The following KCNIP4 variants were observed in gnomAD, a reference collection of about 807,000 sequenced individuals.
KCNIP4 encodes Kv channel-interacting protein 4.
In KCNIP4, 12 loss-of-function variants were observed where a neutral mutation model predicts 34.0. That is an observed-to-expected ratio of 0.35 (90% CI 0.23 to 0.57). The LOEUF (loss-of-function observed/expected upper bound fraction) is 0.57. KCNIP4 is among the 20% of genes least tolerant of loss of function. KCNIP4 has a pLI of 0.83. For missense variants in KCNIP4, 238 were observed against 311.7 expected (o/e 0.76, Z 1.78); for synonymous variants, 124 against 102.2 (o/e 1.21, Z -1.29).
chr4:21,402,612 A>T (rs1035618407), intron 1 of KCNIP4, among the ~76,000 whole-genome samples: 1 of 152,172 alleles, frequency 6.6e-6, no homozygotes, highest in African/African-American at 2.4e-5. Context: ...TGTATTCTAA[A>T]GTTTTCAGCT....
chr4:21,925,231 C>A (rs1179337448), intron 1 of KCNIP4, among the ~76,000 whole-genome samples: 1 of 137,754 alleles, frequency 7.3e-6, no homozygotes, highest in Non-Finnish European at 1.5e-5. Flanking sequence ...TATCCCTTCC[C>A]CCTCCCCCCA....
At chr4:20,818,093 A>G (rs1716635950) in intron 3 of KCNIP4, among the ~76,000 whole-genome samples, 1 of 152,312 alleles carries the variant, frequency 6.6e-6, no homozygotes, top group African/African-American at 2.4e-5. Flanking sequence ...TCCACTGTTC[A>G]AGATATATGA....
chr4:20,753,460 G>T (rs1389309155), intron 4 of KCNIP4, among the ~76,000 whole-genome samples: 1 of 152,058 alleles, frequency 6.6e-6, no homozygotes, highest in East Asian at 1.9e-4. Flanking sequence ...ATTATATCGA[G>T]AACACAGTGA....
At position 21,681,726 on chromosome 4, in the gene KCNIP4, C is replaced by A. The variant is rs1483612851; in HGVS notation, c.61+266845G>T. Among the ~76,000 whole-genome samples the A allele has an allele frequency of 2.0e-5, 3 of 152,100 alleles. No individual in the cohort carries two copies. In the East Asian group the frequency reaches 5.8e-4, roughly 29 times the overall value. The stretch of plus-strand genomic sequence containing the variant: ...AAAGAAAAAAGGTTTCATTGGCTCA[C>A]CGTTCTGCAGGCTGTACAGGAAGCA... On this transcript the variant is annotated intron_variant, in intron 1 of 8. Coordinates refer to ENST00000382152, the MANE Select transcript of KCNIP4 (RefSeq NM_025221.6).
chr4:21,281,139 T>C (rs1762751350), intron 1 of KCNIP4, among the ~76,000 whole-genome samples: 1 of 147,774 alleles, frequency 6.8e-6, no homozygotes, highest in Admixed American at 6.9e-5. Flanking sequence ...CAGGCAGGAG[T>C]GCAGTGGCGC....
chr4:21,472,193 T>C (rs1353229680), intron 1 of KCNIP4, among the ~76,000 whole-genome samples: 1 of 152,122 alleles, frequency 6.6e-6, no homozygotes, highest in Non-Finnish European at 1.5e-5. Context: ...CAAATTCTTG[T>C]TAATGGAATG....
chr4:21,665,370 C>T (rs1044590500), intron 1 of KCNIP4, among the ~76,000 whole-genome samples: 1 of 151,996 alleles, frequency 6.6e-6, no homozygotes, highest in Non-Finnish European at 1.5e-5. Context: ...AAATTTAATT[C>T]AAAGACTAAA....
At chr4:21,081,570 A>C (rs778116246) in intron 1 of KCNIP4, among the ~76,000 whole-genome samples, 2 of 151,834 alleles carry the variant, frequency 1.3e-5, no homozygotes, top group Non-Finnish European at 2.9e-5. Context: ...TAAGAAAAGT[A>C]ATTCTTCTAA....
chr4:21,621,998 C>T (rs772067867), intron 1 of KCNIP4, among the ~76,000 whole-genome samples: 2 of 152,172 alleles, frequency 1.3e-5, no homozygotes, highest in Non-Finnish European at 2.9e-5. Flanking sequence ...GCAACTGGCA[C>T]CTCAAATACT....
intron 1 of KCNIP4, among the ~76,000 whole-genome samples, chr4:20,892,725 T>C (rs181622711): frequency 6.6e-6 from 1 of 152,344 alleles, no homozygotes; most frequent in Admixed American, 6.5e-5. Context: ...AGCAAACAAC[T>C]GGATGGTCAA....
chr4:20,857,962 A>G (rs2149491419), intron 2 of KCNIP4, among the ~76,000 whole-genome samples: 1 of 152,038 alleles, frequency 6.6e-6, no homozygotes, highest in Non-Finnish European at 1.5e-5. Context: ...TAATCCCAGC[A>G]CTTTGAGAGG....
intron 1 of KCNIP4, among the ~76,000 whole-genome samples, chr4:21,871,881 C>A (rs1454337874): frequency 6.7e-6 from 1 of 149,084 alleles, no homozygotes; most frequent in Non-Finnish European, 1.5e-5. Flanking sequence ...CCCATTATTT[C>A]TTGTTATATT....
chr4:21,697,753 C>A, intron 1 of KCNIP4: 2 of 932,300 alleles, frequency 2.1e-6, no homozygotes, highest in Non-Finnish European at 2.7e-6. Flanking sequence ...TTCGGCTCGG[C>A]ATCCCCTCTC....
At chr4:21,011,197 C>A (rs1300710968) in intron 1 of KCNIP4, among the ~76,000 whole-genome samples, 1 of 152,208 alleles carries the variant, frequency 6.6e-6, no homozygotes, top group African/African-American at 2.4e-5. Context: ...GCTAGCCCCA[C>A]AACATGATTC....
chr4:21,350,697 T>C (rs1273128169), intron 1 of KCNIP4, among the ~76,000 whole-genome samples: 1 of 152,158 alleles, frequency 6.6e-6, no homozygotes. Context: ...AAGATGAGGA[T>C]TTCCACAAAT....
Position 21,519,796 on chromosome 4 carries a change from T to C in KCNIP4, c.61+428775A>G, listed in dbSNP as rs796749427. Among the ~76,000 whole-genome samples, 272 of 131,190 alleles carry C rather than the reference T, an allele frequency of 2.1e-3. 2 individuals carry two copies. Among genetic ancestry groups the C allele is most frequent in the South Asian group, 7.7e-3 (29 of 3,760 alleles). 86.1% of individuals were successfully genotyped at this position (131,190 alleles called of 152,430 possible). ...ACACACGTGTGTGTATGTGTGTGTA[T>C]ACACGTGTGTGTATGTGTGTGTATA... On this transcript the variant is annotated intron_variant, in intron 1 of 8. Coordinates refer to ENST00000382152, the MANE Select transcript of KCNIP4 (RefSeq NM_025221.6).
At chr4:20,927,003 T>C (rs1180894198) in intron 1 of KCNIP4, among the ~76,000 whole-genome samples, 1 of 152,146 alleles carries the variant, frequency 6.6e-6, no homozygotes, top group Non-Finnish European at 1.5e-5. Flanking sequence ...AGATGGAGTC[T>C]CGAGTCTCGC....
intron 1 of KCNIP4, among the ~76,000 whole-genome samples, chr4:21,878,014 T>G (rs1465290576): frequency 6.6e-6 from 1 of 152,184 alleles, no homozygotes; most frequent in Admixed American, 6.6e-5. Flanking sequence ...CATGGAAACT[T>G]ACACTTTTGT....
intron 1 of KCNIP4, among the ~76,000 whole-genome samples, chr4:21,439,603 C>A (rs1727272182): frequency 6.6e-6 from 1 of 152,192 alleles, no homozygotes; most frequent in African/African-American, 2.4e-5. Context: ...CAGGAGTCTG[C>A]TAATGGCTGA....
Sources: allele counts gnomAD v4.1 joint callset (sites outside exome capture counted in the v4.1 genomes callset), GRCh38; gene constraint gnomAD v4.1.1; transcripts MANE v1.5; gene names NCBI Gene and HGNC (gene_info 2026-07-23, HGNC 2026-07-21).